The following ASMTL variants were observed in gnomAD, a reference collection of about 807,000 sequenced individuals.
ASMTL encodes the protein acetylserotonin O-methyltransferase like.
Under a neutral mutation model 60.3 loss-of-function variants are expected in ASMTL, and 57 were observed. That is an observed-to-expected ratio of 0.95 (90% CI 0.76 to 1.18). The LOEUF (loss-of-function observed/expected upper bound fraction) is 1.18. Among genes scored for constraint, ASMTL ranks in the 50% most tolerant of loss-of-function variants. The pLI is 0.00. For synonymous variants in ASMTL, 419 were observed against 373.0 expected, an observed-to-expected ratio of 1.12 and a Z score of -1.42; for missense variants, 981 against 852.6, an observed-to-expected ratio of 1.15 and a Z score of -1.88.
intron 1 of ASMTL, among the ~76,000 whole-genome samples, chrX:1,445,270 G>A (rs1309177245): frequency 6.6e-6 from 1 of 151,618 alleles, no homozygotes; most frequent in Non-Finnish European, 1.5e-5. Context: ...CTTTTGTCTG[G>A]GGTTGCCTAA....
chrX:1,407,559 A>G (rs1223447960), intron 12 of ASMTL, among the ~76,000 whole-genome samples: 4 of 151,952 alleles, frequency 2.6e-5, no homozygotes, highest in African/African-American at 7.3e-5. Context: ...ATGGATAGAT[A>G]ATAAATGATA....
Position 1,435,676 on chromosome X carries a change from G to A in ASMTL, c.338+18C>T, listed in dbSNP as rs1374855389. ...GGCTCAGAACCCGAGAGGGCTCAGA[G>A]GCCAACATGGTGCTTACCGGGACAG... On this transcript the variant is annotated intron_variant, in intron 4 of 12. Coordinates refer to ENST00000381317, the MANE Select transcript of ASMTL (RefSeq NM_004192.4). The A allele has an allele frequency of 6.2e-7, 1 of 1,613,172 alleles. No homozygotes were observed. The highest frequency in any genetic ancestry group is 8.5e-7 in the Non-Finnish European group (1 of 1,179,696).
rs553430187 is a variant in ASMTL, at chrX:1,424,022, C to T, written c.1060+1503G>A. ...TCCAATCACTCATCCATCCATCTGT[C>T]CATCCATCCATCCATCCACCCACCC... On this transcript the variant is annotated intron_variant, in intron 8 of 12. Coordinates refer to ENST00000381317, the MANE Select transcript of ASMTL (RefSeq NM_004192.4). Among the ~76,000 whole-genome samples, 88 of 150,452 alleles carry T rather than the reference C, an allele frequency of 5.8e-4. 1 individual carries two copies. Among genetic ancestry groups the T allele is most frequent in the Middle Eastern group, 6.9e-3 (2 of 290 alleles).
At chrX:1,411,734 C>CAGTGTG (rs2090031061) in intron 12 of ASMTL, among the ~76,000 whole-genome samples, 1 of 85,518 alleles carries the variant, frequency 1.2e-5, no homozygotes, top group Non-Finnish European at 2.4e-5. Flanking sequence ...AAGACCTCCT[C>CAGTGTG]AAGAATGAAG....
In ASMTL at chrX:1,429,878, G is replaced by C. The variant is rs147728873; in HGVS notation, c.510-1757C>G. Among the ~76,000 whole-genome samples the C allele has an allele frequency of 3.4e-3, 516 of 152,068 alleles. 4 individuals are homozygous for C. Among genetic ancestry groups the C allele is most frequent in the African/African-American group, 0.012 (494 of 41,480 alleles). Reference sequence around the variant, plus strand: ...ATTAAATCAAGCCAATTATCCCATCGAGCACCTCATGTACCTATTCTGTGT... The same window carrying C: ...ATTAAATCAAGCCAATTATCCCATCCAGCACCTCATGTACCTATTCTGTGT... On this transcript the variant is annotated intron_variant, in intron 6 of 12. Coordinates refer to ENST00000381317, the MANE Select transcript of ASMTL (RefSeq NM_004192.4).
At chrX:1,439,179 G>A (rs28674639) in intron 2 of ASMTL, 35 bp from the exon 3 acceptor site, 569,751 of 1,610,186 alleles carry the variant, frequency 0.35, 102,039 homozygotes, top group African/African-American at 0.41. Context: ...TACCGGTGAC[G>A]TGCCGTGGGT....
At position 1,403,430 on chromosome X, in the gene ASMTL, C is replaced by T. The variant is rs374787639; in HGVS notation, c.1705G>A (p.Ala569Thr). The T allele has an allele frequency of 4.8e-5, 78 of 1,613,258 alleles. No homozygotes were observed. The highest frequency in any genetic ancestry group is 6.7e-5 in the East Asian group (3 of 44,872). Residue 569 changes from alanine to threonine, a missense_variant, in exon 13 of 13, where the codon GCC (alanine) becomes ACC (threonine). Physicochemically the swap from Ala to Thr is moderately conservative, Grantham distance 58. Transcript: ENST00000381317. ...AGCATGTTCAGTGACTGCATCAGGG[C>T]GCGCTGCGCCACCCTCTTCTCCTCA... ...LDEEKRVAQRALMQSLNMLVQ... is the reference protein window; with the variant it reads ...LDEEKRVAQRTLMQSLNMLVQ...
intron 1 of ASMTL, among the ~76,000 whole-genome samples, chrX:1,447,522 CCACCATCTTGGACACA>C (rs2091253532): frequency 2.0e-5 from 3 of 151,830 alleles, no homozygotes; most frequent in South Asian, 4.2e-4. Context: ...GGGAGAAGCA[CCACCATCTTGGACACA>C]CACCATCTTG....
At chrX:1,415,033 C>T (rs1405202485) in intron 11 of ASMTL, among the ~76,000 whole-genome samples, 5 of 145,942 alleles carry the variant, frequency 3.4e-5, no homozygotes, top group East Asian at 2.1e-4. Flanking sequence ...CTCCGCCTCC[C>T]GGGTTCAAGC....
upstream of ASMTL, chrX:1,453,688 G>A (rs2091450166): frequency 1.3e-5 from 2 of 151,868 alleles, no homozygotes; most frequent in Admixed American, 1.3e-4. Context: ...TAGAGATAGG[G>A]GGTTCCCCGC....
At chrX:1,420,112 C>CCA (rs754621298) in intron 9 of ASMTL, among the ~76,000 whole-genome samples, 145 of 151,922 alleles carry the variant, frequency 9.5e-4, no homozygotes, top group African/African-American at 2.0e-3. Flanking sequence ...CTGTCTCTGT[C>CCA]TCCCATCTCC....
At chrX:1,433,435 G>A (rs1242880846) in intron 5 of ASMTL, among the ~76,000 whole-genome samples, 5 of 150,568 alleles carry the variant, frequency 3.3e-5, no homozygotes, top group African/African-American at 4.9e-5. Context: ...GGAGGCCGAG[G>A]CGGGCGGATC....
chrX:1,429,471 CCTGT>C (rs1341198082), intron 6 of ASMTL, among the ~76,000 whole-genome samples: 1 of 152,008 alleles, frequency 6.6e-6, no homozygotes, highest in Non-Finnish European at 1.5e-5. Flanking sequence ...CTGTGCCCGG[CCTGT>C]CTTTCTTTAA....
rs1367566396 is a variant in ASMTL, at chrX:1,427,784, G to A, written c.847C>T (p.Pro283Ser). The change falls in exon 7 of 13, where the codon CCG becomes TCG. Residue 283 changes from proline (P) to serine (S), a missense_variant. Pro to Ser is a moderately conservative substitution (Grantham distance 74). Coordinates refer to ENST00000381317, the MANE Select transcript of ASMTL (RefSeq NM_004192.4). ...AGCTCCAGGAGGCGTGTCGGGAACG[G>A]AGGCAGGGTCTCCCGAGTCCTGTGA... is the stretch of plus-strand genomic sequence containing the variant. ...ECHRTRETLPPFPTRLLELIE... is the reference protein window; with the variant it reads ...ECHRTRETLPSFPTRLLELIE... The A allele has an allele frequency of 1.9e-6, 3 of 1,613,094 alleles. No homozygotes were observed. In the South Asian group the frequency reaches 3.3e-5, roughly 18 times the overall value.
chrX:1,404,310 A>C (rs2089713895), intron 12 of ASMTL, among the ~76,000 whole-genome samples: 1 of 146,780 alleles, frequency 6.8e-6, no homozygotes, highest in South Asian at 2.2e-4. Flanking sequence ...ATGGTAGATC[A>C]TGGGTACATA....
At chrX:1,418,950 G>GT in intron 10 of ASMTL, 32 bp downstream of exon 10, 1 of 1,611,202 alleles carries the variant, frequency 6.2e-7, no homozygotes, top group Non-Finnish European at 8.5e-7. Context: ...ATAAACGAAA[G>GT]TAAGGAGAGC....
intron 2 of ASMTL, among the ~76,000 whole-genome samples, chrX:1,441,183 G>C (rs2091097906): frequency 6.6e-6 from 1 of 152,080 alleles, no homozygotes; most frequent in African/African-American, 2.4e-5. Context: ...TATATTAATT[G>C]CAAGAGAATA....
At chrX:1,444,353 TGG>T (rs2091189041) in intron 1 of ASMTL, among the ~76,000 whole-genome samples, 2 of 151,782 alleles carry the variant, frequency 1.3e-5, no homozygotes, top group African/African-American at 4.8e-5. Context: ...GGATTGCAGG[TGG>T]GCGCCACCAC....
At chrX:1,447,017 C>A (rs139288393) in intron 1 of ASMTL, among the ~76,000 whole-genome samples, 1 of 152,190 alleles carries the variant, frequency 6.6e-6, no homozygotes, top group Admixed American at 6.5e-5. Context: ...TTTTTCCTAA[C>A]TGAAAACCTC....
Sources: gnomAD v4.1 joint callset for allele counts (sites outside exome capture counted in the v4.1 genomes callset) on GRCh38, gnomAD v4.1.1 for gene constraint, MANE v1.5 for transcripts, NCBI Gene and HGNC (gene_info 2026-07-23, HGNC 2026-07-21) for gene names.